Variants in SCHIP1 observed in about 807,000 individuals in gnomAD.
SCHIP1 encodes schwannomin-interacting protein 1.
SCHIP1 carries 8 observed loss-of-function variants against 29.7 expected under a neutral mutation model. The ratio of observed to expected loss-of-function variants is 0.27; its 90% confidence interval spans 0.16 to 0.49. The LOEUF is 0.49. Ranked by LOEUF, SCHIP1 falls within the 20% of genes least tolerant of loss-of-function variation. The pLI is 0.99. For synonymous variants in SCHIP1, 76 were observed against 94.9 expected (o/e 0.80, Z 1.16); for missense variants, 193 against 294.6 (o/e 0.66, Z 2.52).
the SCHIP1 span, among the ~76,000 whole-genome samples, chr3:159,454,456 T>C: frequency 1.3e-5 from 2 of 152,014 alleles, no homozygotes; most frequent in African/African-American, 4.8e-5. Context: ...AGCAGCCTAG[T>C]CCAATTGGGT....
At chr3:159,496,697 C>T in the SCHIP1 span, among the ~76,000 whole-genome samples, 24 of 152,220 alleles carry the variant, frequency 1.6e-4, no homozygotes, top group Non-Finnish European at 2.5e-4. Flanking sequence ...GTCAGTGTGG[C>T]GATTTCTCAG....
the SCHIP1 span, among the ~76,000 whole-genome samples, chr3:159,317,051 G>T: frequency 6.6e-6 from 1 of 152,236 alleles, no homozygotes; most frequent in East Asian, 1.9e-4. Context: ...TACCTGAAAG[G>T]TCTGGGTCAT....
the SCHIP1 span, among the ~76,000 whole-genome samples, chr3:159,322,030 A>C: frequency 2.0e-5 from 3 of 151,970 alleles, no homozygotes; most frequent in African/African-American, 4.8e-5. Context: ...AAGCAGTATT[A>C]CAGGCTACAT....
chr3:159,838,733 A>T (rs539305198), upstream of SCHIP1, among the ~76,000 whole-genome samples: 65 of 152,092 alleles, frequency 4.3e-4, no homozygotes, highest in Middle Eastern at 3.4e-3. Context: ...TACCAAAAAA[A>T]ATATAAAAAA....
chr3:159,777,851 A>G, the SCHIP1 span, among the ~76,000 whole-genome samples: 1 of 152,194 alleles, frequency 6.6e-6, no homozygotes, highest in East Asian at 1.9e-4. Context: ...ACAGTGGAGG[A>G]CCTGTTGAAA....
chr3:159,587,029 T>C, the SCHIP1 span, among the ~76,000 whole-genome samples: 1 of 152,212 alleles, frequency 6.6e-6, no homozygotes, highest in African/African-American at 2.4e-5. Flanking sequence ...TGTTTGTTTC[T>C]AAGTCTCTGG....
the SCHIP1 span, among the ~76,000 whole-genome samples, chr3:159,557,429 A>G: frequency 6.6e-6 from 1 of 152,196 alleles, no homozygotes; most frequent in Non-Finnish European, 1.5e-5. Flanking sequence ...TTCATAATCC[A>G]TAGAAGGACT....
At chr3:159,305,947 C>A in the SCHIP1 span, among the ~76,000 whole-genome samples, 2 of 152,156 alleles carry the variant, frequency 1.3e-5, no homozygotes, top group Admixed American at 1.3e-4. Flanking sequence ...TAACAAATCA[C>A]TTAAGTTCTA....
the SCHIP1 span, among the ~76,000 whole-genome samples, chr3:159,521,379 C>T: frequency 4.6e-5 from 7 of 152,182 alleles, no homozygotes; most frequent in African/African-American, 1.7e-4. Flanking sequence ...ATGCAAATAA[C>T]AGGTATAATG....
At chr3:159,333,781 G>A in the SCHIP1 span, among the ~76,000 whole-genome samples, 1 of 151,624 alleles carries the variant, frequency 6.6e-6, no homozygotes, top group Non-Finnish European at 1.5e-5. Flanking sequence ...TCTGTCGGTG[G>A]AAAAAAAATA....
chr3:159,484,914 T>C, the SCHIP1 span, among the ~76,000 whole-genome samples: 1 of 152,188 alleles, frequency 6.6e-6, no homozygotes, highest in Non-Finnish European at 1.5e-5. Context: ...TTCAGCATGT[T>C]GGATTCTCCT....
chr3:159,332,295 A>C, the SCHIP1 span, among the ~76,000 whole-genome samples: 1 of 152,210 alleles, frequency 6.6e-6, no homozygotes, highest in South Asian at 2.1e-4. Context: ...CCTATAAGGT[A>C]GGTATTACTG....
chr3:159,793,865 T>G, the SCHIP1 span, among the ~76,000 whole-genome samples: 6 of 152,186 alleles, frequency 3.9e-5, no homozygotes, highest in Non-Finnish European at 7.4e-5. Flanking sequence ...ACCTGTTTTC[T>G]TGCCTTTTCC....
chr3:159,409,979 C>G, the SCHIP1 span, among the ~76,000 whole-genome samples: 21 of 152,070 alleles, frequency 1.4e-4, no homozygotes, highest in Admixed American at 1.4e-3. Flanking sequence ...CATACATCTA[C>G]AGTGAACTCA....
At chr3:159,550,795 A>G in the SCHIP1 span, among the ~76,000 whole-genome samples, 21 of 152,326 alleles carry the variant, frequency 1.4e-4, no homozygotes, top group South Asian at 3.9e-3. Flanking sequence ...AACTATTGCC[A>G]GAAAAACTGC....
At chr3:159,627,766 G>T in the SCHIP1 span, among the ~76,000 whole-genome samples, 1 of 152,318 alleles carries the variant, frequency 6.6e-6, no homozygotes, top group South Asian at 2.1e-4. Flanking sequence ...AGGCTGCCAG[G>T]ACTTGGAGGC....
the SCHIP1 span, among the ~76,000 whole-genome samples, chr3:159,393,584 T>C: frequency 6.7e-6 from 1 of 150,226 alleles, no homozygotes; most frequent in Admixed American, 6.6e-5. Flanking sequence ...CTTTCCCCAT[T>C]GCTTGTTTTT....
chr3:159,764,770 A>AGCG, the SCHIP1 span: 25 of 1,569,992 alleles, frequency 1.6e-5, no homozygotes, highest in South Asian at 1.5e-4. The surrounding 1 kb of genome is among the most constrained non-coding windows in gnomAD (Gnocchi z 6.1). Flanking sequence ...CAGGACCCGC[A>AGCG]GCGGCGGCGG....
At chr3:159,814,633 T>G in the SCHIP1 span, among the ~76,000 whole-genome samples, 3 of 152,120 alleles carry the variant, frequency 2.0e-5, no homozygotes. Flanking sequence ...TTTTGCCGAG[T>G]AGGGATACTG....
Sources: allele counts gnomAD v4.1 joint callset (sites outside exome capture counted in the v4.1 genomes callset), GRCh38; gene constraint gnomAD v4.1.1; non-coding constraint Gnocchi (gnomAD v3.1); transcripts MANE v1.5; gene names NCBI Gene and HGNC (gene_info 2026-07-23, HGNC 2026-07-21).